The following TASOR variants were observed in gnomAD, a reference collection of about 807,000 sequenced individuals.
TASOR encodes the protein transcription activation suppressor, also known as protein TASOR.
In TASOR, 53 loss-of-function variants were observed where a neutral mutation model predicts 178.6. That is an observed-to-expected ratio of 0.30 (90% CI 0.24 to 0.37). The LOEUF (loss-of-function observed/expected upper bound fraction) is 0.37. Ranked by LOEUF, TASOR falls within the 10% of genes least tolerant of loss-of-function variation. The pLI is 1.00. For missense variants in TASOR, 1,815 were observed against 1,971.4 expected (o/e 0.92, Z 1.50); for synonymous variants, 713 against 696.2 (o/e 1.02, Z -0.38).
At chr3:56,658,916 A>AAG (rs369022860) in intron 11 of TASOR, among the ~76,000 whole-genome samples, 2 of 149,356 alleles carry the variant, frequency 1.3e-5, no homozygotes, top group Non-Finnish European at 3.0e-5. Context: ...TCAAAAAAAA[A>AAG]AGAGAGAGAG....
intron 11 of TASOR, among the ~76,000 whole-genome samples, chr3:56,653,559 G>A (rs1284593075): frequency 6.6e-6 from 1 of 151,946 alleles, no homozygotes; most frequent in Non-Finnish European, 1.5e-5. Flanking sequence ...ATAAGACACT[G>A]CAGCATAGTC....
intron 2 of TASOR, among the ~76,000 whole-genome samples, chr3:56,672,137 G>A (rs780045241): frequency 5.3e-5 from 8 of 152,088 alleles, no homozygotes; most frequent in Admixed American, 3.3e-4. Flanking sequence ...CATAAGATGT[G>A]CTCCATACAT....
intron 5 of TASOR, 120 bp downstream of exon 5, chr3:56,669,580 A>C: frequency 1.6e-6 from 1 of 607,586 alleles, no homozygotes; most frequent in East Asian, 3.1e-5. Flanking sequence ...AAGTATCTTT[A>C]AGTACCAAAC....
chr3:56,625,019 G>A lies in TASOR; in HGVS notation c.4140-13C>T. 6.2e-7 allele frequency: 1 copy of A among 1,610,928 alleles called. No individual in the cohort carries two copies. The highest frequency in any genetic ancestry group is 8.5e-7 in the Non-Finnish European group (1 of 1,178,584). On this transcript the variant is annotated splice_polypyrimidine_tract_variant and intron_variant, in intron 21 of 23. Coordinates refer to ENST00000683822, the MANE Select transcript of TASOR (RefSeq NM_001365635.2). ...TTTAGCATTCAATCTGTGAAATTAA[G>A]CAGTTCAGTTTCTGGATCTGTACTT...
intron 11 of TASOR, among the ~76,000 whole-genome samples, chr3:56,659,691 G>A (rs1275522642): frequency 6.6e-6 from 1 of 152,082 alleles, no homozygotes; most frequent in African/African-American, 2.4e-5. Flanking sequence ...CACTTTCAAA[G>A]TTTCAATGCA....
chr3:56,640,002 T>G lies in TASOR; in HGVS notation c.2748A>C (p.Lys916Asn). ...TTTTCTTACCTGTAATTGGAATCAG[T>G]TTCCAATGTATTTCAGTCTCTTCAA... ...NNVEETEIHW[K>N]LIPITGGNAR... Residue 916 changes from lysine to asparagine, a missense_variant, in exon 16 of 24, where the codon AAA (lysine) becomes AAC (asparagine). By Grantham distance (94) the Lys-to-Asn change is moderately conservative. This residue lies in a region of TASOR where 655 missense variants were observed against 671.1 expected (regional missense o/e 0.98). Transcript: ENST00000683822. 1 of 1,606,366 alleles carries G rather than the reference T, an allele frequency of 6.2e-7. No individual in the cohort carries two copies. Among genetic ancestry groups the G allele is most frequent in the Non-Finnish European group, 8.5e-7 (1 of 1,177,418 alleles).
At position 56,623,251 on chromosome 3, in the gene TASOR, CTA is replaced by C; in HGVS notation, c.4797_4798del (p.His1599GlnfsTer10). 6.2e-7 allele frequency: 1 copy of C among 1,613,442 alleles called. No homozygotes were observed. Among genetic ancestry groups the C allele is most frequent in the Middle Eastern group, 1.7e-4 (1 of 5,908 alleles). ...AAACTGATGGGACATATTTAATTGA[CTA>C]TGATAAACCTGAAAGTTACTATATG... is the stretch of plus-strand genomic sequence containing the variant. On this transcript the variant is annotated frameshift_variant, in exon 24 of 24. Coordinates refer to ENST00000683822, the MANE Select transcript of TASOR (RefSeq NM_001365635.2). LOFTEE classifies it high-confidence loss of function.
rs775088272 is a variant in TASOR, at chr3:56,641,546, G to A, written c.2422C>T (p.Leu808=). 1.9e-6 allele frequency: 3 copies of A among 1,613,960 alleles called. No individual in the cohort carries two copies. In the East Asian group the frequency reaches 6.7e-5, roughly 36 times the overall value. The change falls in exon 15 of 24, where the codon CTG becomes TTG. Residue 808 remains leucine (L), a synonymous_variant. Coordinates refer to ENST00000683822, the MANE Select transcript of TASOR (RefSeq NM_001365635.2). ...GLSTDDAYEE[L]RQKHEYELNS... ...AACTCATACTCATGTTTTTGCCTCA[G>A]CTCTTCATAGGCATCATCAGTGCTC...
intron 7 of TASOR, among the ~76,000 whole-genome samples, chr3:56,665,224 G>A (rs1432966322): frequency 6.6e-6 from 1 of 152,142 alleles, no homozygotes; most frequent in African/African-American, 2.4e-5. Context: ...GAATCACCTG[G>A]AAGCTTTTAA....
intron 18 of TASOR, among the ~76,000 whole-genome samples, chr3:56,631,687 C>T (rs751314106): frequency 4.6e-5 from 7 of 151,706 alleles, no homozygotes; most frequent in Non-Finnish European, 8.8e-5. Context: ...GGATTCACCC[C>T]ATTCTCCTGC....
In TASOR at chr3:56,664,530, A is replaced by G. The variant is rs2077666993; in HGVS notation, c.1023-958T>C. ...TTCCAAGGATTATTCACCTACATAA[A>G]AGGACCGTAAATGGAAGAGAAGATA... On this transcript the variant is annotated intron_variant, in intron 7 of 23. Transcript: ENST00000683822. Among the ~76,000 whole-genome samples, 4 of 152,204 alleles carry G rather than the reference A, an allele frequency of 2.6e-5. No homozygotes were observed. In the South Asian group the frequency reaches 8.3e-4, roughly 31 times the overall value.
chr3:56,678,940 A>G (rs1034640982), intron 1 of TASOR, among the ~76,000 whole-genome samples: 1 of 150,706 alleles, frequency 6.6e-6, no homozygotes, highest in Non-Finnish European at 1.5e-5. Context: ...TGAACCTAGG[A>G]TGCAGAGGCT....
chr3:56,647,889 T>TA (rs1360312389), intron 13 of TASOR, among the ~76,000 whole-genome samples: 3 of 152,166 alleles, frequency 2.0e-5, no homozygotes, highest in Admixed American at 2.0e-4. Flanking sequence ...TGAACTAAGC[T>TA]AAAAAATAAT....
At position 56,641,555 on chromosome 3, in the gene TASOR, A is replaced by C. The variant is rs774299635; in HGVS notation, c.2413T>G (p.Tyr805Asp). The C allele has an allele frequency of 1.9e-5, 31 of 1,614,238 alleles. No homozygotes were observed. In the Middle Eastern group the frequency reaches 4.9e-4, roughly 26 times the overall value. ...TCATGTTTTTGCCTCAGCTCTTCATAGGCATCATCAGTGCTCAATCCTAAG... is the reference window on the plus strand; with the variant it reads ...TCATGTTTTTGCCTCAGCTCTTCATCGGCATCATCAGTGCTCAATCCTAAG... ...KALGLSTDDAYEELRQKHEYE... is the reference protein window; with the variant it reads ...KALGLSTDDADEELRQKHEYE... Residue 805 changes from tyrosine (Y) to aspartate (D), a missense_variant, in exon 15 of 24, where the codon TAT becomes GAT. Transcript: ENST00000683822.
chr3:56,625,691 T>TC (rs1377797824), intron 21 of TASOR, among the ~76,000 whole-genome samples: 3 of 137,564 alleles, frequency 2.2e-5, no homozygotes, highest in African/African-American at 8.6e-5. Context: ...AAGCTATTTC[T>TC]TTTTTTTTTT....
intron 17 of TASOR, among the ~76,000 whole-genome samples, chr3:56,634,905 G>C (rs2076986603): frequency 6.6e-6 from 1 of 152,072 alleles, no homozygotes. Context: ...TTCAATTTTA[G>C]TGTTATATTT....
At chr3:56,663,197 CAAAG>C (rs970971542) in intron 8 of TASOR, among the ~76,000 whole-genome samples, 5 of 151,956 alleles carry the variant, frequency 3.3e-5, no homozygotes, top group African/African-American at 1.2e-4. Context: ...GAAAAAAAAA[CAAAG>C]AAACTTTAAA....
In TASOR at chr3:56,671,608, G is replaced by A; in HGVS notation, c.562C>T (p.Arg188Ter). The change falls in exon 3 of 24, where the codon CGA becomes TGA. Residue 188 changes from arginine (R) to a stop codon, truncating the protein, a stop_gained. Transcript: ENST00000683822. LOFTEE classifies it high-confidence loss of function. ...SESYAFLMVDRYQVQTICEKG... is the reference protein window; with the variant it reads ...SESYAFLMVD The stretch of plus-strand genomic sequence containing the variant: ...AAAATGCGTTAACTCACCTGGTATC[G>A]ATCAACCATCAGAAATGCATAGGAT... The A allele has an allele frequency of 1.3e-6, 2 of 1,546,454 alleles. No homozygotes were observed. The highest frequency in any genetic ancestry group is 1.7e-6 in the Non-Finnish European group (2 of 1,144,298).
At position 56,647,070 on chromosome 3, in the gene TASOR, T is replaced by A; in HGVS notation, c.1667A>T (p.Lys556Met). Residue 556 changes from lysine (K) to methionine (M), a missense_variant, in exon 14 of 24, where the codon AAG (lysine) becomes ATG (methionine). Lys to Met is a moderately conservative substitution (Grantham distance 95). Around this residue, in one of 5 missense-constraint regions of TASOR, gnomAD observed 504 missense variants for 645.3 expected, o/e 0.78. Transcript: ENST00000683822. ...SAINFHSVVE[K>M]YVSEFFKRGF... ...TCGCTTAAAAAATTCACTTACATACTTTTCAACAACAGAATGAAAATTTAT... is the reference window on the plus strand; with the variant it reads ...TCGCTTAAAAAATTCACTTACATACATTTCAACAACAGAATGAAAATTTAT... 1 of 1,606,968 alleles carries A rather than the reference T, an allele frequency of 6.2e-7. No individual in the cohort carries two copies.
Sources: allele counts gnomAD v4.1 joint callset (sites outside exome capture counted in the v4.1 genomes callset), GRCh38; gene constraint gnomAD v4.1.1; regional missense constraint gnomAD v4.1.1; transcripts MANE v1.5; gene names NCBI Gene and HGNC (gene_info 2026-07-23, HGNC 2026-07-21).